The following PTPRD variants were observed in gnomAD, a reference collection of about 807,000 sequenced individuals.
PTPRD encodes protein tyrosine phosphatase receptor type D.
In PTPRD, 34 loss-of-function variants were observed where a neutral mutation model predicts 214.5. That is an observed-to-expected ratio of 0.16 (90% CI 0.12 to 0.21). The LOEUF is 0.21. PTPRD is among the 10% of genes least tolerant of loss of function. The probability of loss-of-function intolerance (pLI) is 1.00; values close to 1 mark genes in which losing one functional copy is unlikely to be tolerated. For missense variants in PTPRD, 2,545 were observed against 2,398.7 expected (o/e 1.06, Z -1.27); for synonymous variants, 1,128 against 845.7 (o/e 1.33, Z -5.79).
At chr9:9,116,799 T>C (rs2099812760) in intron 10 of PTPRD, among the ~76,000 whole-genome samples, 1 of 152,152 alleles carries the variant, frequency 6.6e-6, no homozygotes, top group Non-Finnish European at 1.5e-5. Flanking sequence ...TCTTCAATTA[T>C]TATCTCCTCC....
intron 2 of PTPRD, among the ~76,000 whole-genome samples, chr9:10,576,537 A>C (rs915090176): frequency 1.3e-5 from 2 of 152,156 alleles, no homozygotes; most frequent in African/African-American, 4.8e-5. Context: ...GGTGACTGAA[A>C]GACATTAGAG....
chr9:9,239,920 G>A (rs910715319), intron 9 of PTPRD, among the ~76,000 whole-genome samples: 3 of 152,108 alleles, frequency 2.0e-5, no homozygotes, highest in Admixed American at 6.6e-5. Context: ...TCAAAACCCA[G>A]GATGACTAGA....
chr9:8,697,163 T>C (rs188899290), intron 12 of PTPRD, among the ~76,000 whole-genome samples: 3 of 152,018 alleles, frequency 2.0e-5, no homozygotes, highest in African/African-American at 4.8e-5. Context: ...AATTAAGTAG[T>C]TGATTGGAAA....
chr9:8,525,164 T>G, intron 17 of PTPRD, 129 bp from the exon 18 acceptor site: 17 of 799,444 alleles, frequency 2.1e-5, no homozygotes, highest in Non-Finnish European at 2.9e-5. Flanking sequence ...ATTCAATCTC[T>G]TGCTAAGTTG....
chr9:9,833,104 C>A (rs1165874041), intron 5 of PTPRD, among the ~76,000 whole-genome samples: 1 of 150,864 alleles, frequency 6.6e-6, no homozygotes, highest in East Asian at 1.9e-4. Context: ...GGGGCAAGGC[C>A]AGGTAATAGC....
chr9:9,587,075 G>A (rs1445301500), intron 7 of PTPRD, among the ~76,000 whole-genome samples: 1 of 151,854 alleles, frequency 6.6e-6, no homozygotes, highest in Non-Finnish European at 1.5e-5. Context: ...GTAACAAAAT[G>A]TGTTATGTGA....
chr9:10,400,769 T>C (rs1331874194), intron 2 of PTPRD, among the ~76,000 whole-genome samples: 2 of 151,688 alleles, frequency 1.3e-5, no homozygotes, highest in African/African-American at 2.4e-5. Context: ...ACTGATATTA[T>C]ATTTTAAAAT....
chr9:10,117,888 T>C (rs2098743818), intron 3 of PTPRD, among the ~76,000 whole-genome samples: 1 of 152,068 alleles, frequency 6.6e-6, no homozygotes, highest in Non-Finnish European at 1.5e-5. Flanking sequence ...AATTACATGC[T>C]TTATTTTTCT....
At chr9:9,305,178 G>A (rs942547763) in intron 9 of PTPRD, among the ~76,000 whole-genome samples, 3 of 151,242 alleles carry the variant, frequency 2.0e-5, no homozygotes, top group African/African-American at 7.3e-5. Flanking sequence ...ACATATTTCA[G>A]ACATTCCATT....
At chr9:9,900,489 C>T (rs1467016078) in intron 5 of PTPRD, among the ~76,000 whole-genome samples, 1 of 152,158 alleles carries the variant, frequency 6.6e-6, no homozygotes, top group Non-Finnish European at 1.5e-5. Flanking sequence ...GCCTTACCTT[C>T]ACTGTCCATA....
intron 9 of PTPRD, among the ~76,000 whole-genome samples, chr9:9,376,985 T>C (rs2060964257): frequency 1.3e-5 from 2 of 151,990 alleles, no homozygotes; most frequent in Non-Finnish European, 2.9e-5. Flanking sequence ...AACTGAAAAT[T>C]TTAAGTCTCT....
intron 9 of PTPRD, among the ~76,000 whole-genome samples, chr9:9,337,975 A>C (rs538026188): frequency 6.6e-5 from 10 of 152,310 alleles, no homozygotes; most frequent in African/African-American, 2.4e-4. Context: ...TGTCTAAAAA[A>C]CACATGCATT....
At chr9:9,047,874 A>T (rs1255942627) in intron 10 of PTPRD, among the ~76,000 whole-genome samples, 2 of 152,166 alleles carry the variant, frequency 1.3e-5, no homozygotes, top group Non-Finnish European at 2.9e-5. Context: ...GCAGAAATGG[A>T]CAAATTGGAT....
At chr9:8,548,374 TG>T (rs1219127970) in intron 14 of PTPRD, among the ~76,000 whole-genome samples, 2 of 151,972 alleles carry the variant, frequency 1.3e-5, no homozygotes, top group East Asian at 3.9e-4. Context: ...GCTGGAATTT[TG>T]TTTTTTTTTT....
At chr9:10,341,951 G>C (rs1486239684) in intron 2 of PTPRD, among the ~76,000 whole-genome samples, 1 of 151,940 alleles carries the variant, frequency 6.6e-6, no homozygotes, top group African/African-American at 2.4e-5. Flanking sequence ...GTGGTTTCTA[G>C]CTTTCTAACC....
At chr9:9,475,432 C>T (rs902536318) in intron 8 of PTPRD, among the ~76,000 whole-genome samples, 7 of 152,190 alleles carry the variant, frequency 4.6e-5, no homozygotes, top group Admixed American at 1.3e-4. Context: ...TTAGCTGTGA[C>T]ATTTTCCATC....
intron 11 of PTPRD, among the ~76,000 whole-genome samples, chr9:8,772,922 G>A (rs1444832799): frequency 6.6e-6 from 1 of 151,960 alleles, no homozygotes; most frequent in Admixed American, 6.6e-5. Flanking sequence ...GATAACTTTA[G>A]GCCTTGTTTT....
At chr9:9,621,724 G>T (rs185936539) in intron 7 of PTPRD, among the ~76,000 whole-genome samples, 13 of 152,300 alleles carry the variant, frequency 8.5e-5, no homozygotes, top group African/African-American at 3.1e-4. Context: ...TTTAGTTAAA[G>T]TGTGAAGTGG....
intron 10 of PTPRD, among the ~76,000 whole-genome samples, chr9:9,040,142 G>A (rs1313773423): frequency 6.6e-6 from 1 of 152,300 alleles, no homozygotes; most frequent in Non-Finnish European, 1.5e-5. Context: ...ACAAGCCCAT[G>A]CAAGGGGAAA....
Sources: gnomAD v4.1 joint callset for allele counts (sites outside exome capture counted in the v4.1 genomes callset) on GRCh38, gnomAD v4.1.1 for gene constraint, MANE v1.5 for transcripts, NCBI Gene and HGNC (gene_info 2026-07-23, HGNC 2026-07-21) for gene names.